Variants in FBLN1 observed in about 807,000 individuals in gnomAD.
The protein encoded by FBLN1 is fibulin 1, also known as fibulin-1.
A neutral mutation model predicts 89.7 loss-of-function variants in FBLN1; 34 were observed. The ratio of observed to expected loss-of-function variants is 0.38; its 90% CI spans 0.29 to 0.50. The LOEUF (loss-of-function observed/expected upper bound fraction) is 0.50, where lower values mean the gene tolerates loss of function less well. Ranked by LOEUF, FBLN1 falls within the 20% of genes least tolerant of loss-of-function variation. The pLI is 0.92. For synonymous variants in FBLN1, 393 were observed against 391.3 expected (o/e 1.00, Z -0.05); for missense variants, 777 against 988.1 (o/e 0.79, Z 2.86).
chr22:45,569,162 C>A (rs1306942474), intron 14 of FBLN1, among the ~76,000 whole-genome samples: 1 of 152,100 alleles, frequency 6.6e-6, no homozygotes, highest in African/African-American at 2.4e-5. Flanking sequence ...TAATGCAAAC[C>A]ATGACACCCA....
intron 16 of FBLN1, among the ~76,000 whole-genome samples, chr22:45,582,872 ACT>A (rs1317137202): frequency 2.6e-5 from 4 of 151,916 alleles, no homozygotes; most frequent in Non-Finnish European, 5.9e-5. Context: ...GATGTTTTAT[ACT>A]CTCTGGCTTG....
rs1449866131 is a variant in FBLN1, at chr22:45,530,040, C to T, written c.485-1225C>T. ...AAGTCCAGGCTGTAGGGCCCCTGGTCACAGAGGACCCGGGTCACCCGGGAC... is the reference window on the plus strand; with the variant it reads ...AAGTCCAGGCTGTAGGGCCCCTGGTTACAGAGGACCCGGGTCACCCGGGAC... On this transcript the variant is annotated intron_variant, in intron 4 of 16. Transcript: ENST00000327858. This position sits in a 1 kb window ranked among gnomAD's most constrained non-coding sequence, Gnocchi z 5.4. Among the ~76,000 whole-genome samples, 3 of 151,710 alleles carry T rather than the reference C, an allele frequency of 2.0e-5. No homozygotes were observed. Among genetic ancestry groups the T allele is most frequent in the Admixed American group, 1.3e-4 (2 of 15,228 alleles).
chr22:45,533,717 G>C (rs746176353), intron 6 of FBLN1, 44 bp from the exon 7 acceptor site: 2 of 1,596,846 alleles, frequency 1.3e-6, no homozygotes. Flanking sequence ...ATTAGGATGG[G>C]TCGTTCTTGC....
At chr22:45,585,363 C>G (rs1025779329) in intron 16 of FBLN1, among the ~76,000 whole-genome samples, 2 of 152,238 alleles carry the variant, frequency 1.3e-5, no homozygotes, top group Non-Finnish European at 2.9e-5. Flanking sequence ...GGGCCCAGAT[C>G]ACCTCGTTAA....
intron 14 of FBLN1, among the ~76,000 whole-genome samples, chr22:45,554,196 T>C (rs1890195327): frequency 6.6e-6 from 1 of 152,230 alleles, no homozygotes; most frequent in Admixed American, 6.5e-5. Context: ...GAAAGTCTGC[T>C]GCTTGCAGCC....
rs756493478 is a variant in FBLN1 at position 45,527,867 on chromosome 22, G to T, written c.342G>T (p.Leu114=). The change falls in exon 4 of 17, where the codon CTG becomes CTT. Residue 114 remains leucine, a synonymous_variant. Coordinates refer to ENST00000327858, the MANE Select transcript of FBLN1 (RefSeq NM_006486.3). ...TGCAGAGGTGCTGCCATTGCTGTCT[G>T]CTGGGGAGGGCGGCCCAGGCCCAGG... is the stretch of plus-strand genomic sequence containing the variant. ...TFVKRCCHCC[L]LGRAAQAQGQ... is the part of the protein sequence containing the mutation. 6.2e-7 allele frequency: 1 copy of T among 1,614,108 alleles called. No individual in the cohort carries two copies. Among genetic ancestry groups the T allele is most frequent in the Admixed American group, 1.7e-5 (1 of 60,034 alleles).
intron 2 of FBLN1, among the ~76,000 whole-genome samples, chr22:45,524,687 C>G (rs927334027): frequency 6.6e-6 from 1 of 152,102 alleles, no homozygotes; most frequent in Non-Finnish European, 1.5e-5. Context: ...GAACATTGTG[C>G]GGGTGAAGCC....
rs1362793783 is a variant in FBLN1, at chr22:45,503,060, C to G, written c.75C>G (p.Ala25=). 8.0e-7 allele frequency: 1 copy of G among 1,246,588 alleles called. No homozygotes were observed. 77.2% of individuals were successfully genotyped at this position (1,246,588 alleles called of 1,614,324 possible). A position where few individuals can be genotyped will look rare whatever the true frequency, so the allele number is the denominator to read the frequency against. The part of the protein sequence containing the change: ...LLLGGLALLA[A]GVDADVLLEA... ...TCGGCGGCCTTGCGCTGCTGGCGGCCGGAGGTAGGGGCGTCCCGGGTCCGC... is the reference window on the plus strand; with the variant it reads ...TCGGCGGCCTTGCGCTGCTGGCGGCGGGAGGTAGGGGCGTCCCGGGTCCGC... Residue 25 remains alanine (A), a synonymous_variant, in exon 1 of 17, where the codon GCC becomes GCG. Transcript: ENST00000327858.
At chr22:45,544,825 G>T (rs1344450757) in intron 11 of FBLN1, among the ~76,000 whole-genome samples, 4 of 152,158 alleles carry the variant, frequency 2.6e-5, no homozygotes, top group Non-Finnish European at 2.9e-5. Context: ...GGGCTGATGG[G>T]AAGGTCACAT....
In FBLN1 at chr22:45,556,940, T is replaced by G. The variant is rs1263310953; in HGVS notation, c.1697+6325T>G. Reference sequence around the variant, plus strand: ...TTCCACCCTTGGATGCCTGGACCCGTGAATCCTGGCTATGGGAGAAACAGT... The same window carrying G: ...TTCCACCCTTGGATGCCTGGACCCGGGAATCCTGGCTATGGGAGAAACAGT... On this transcript the variant is annotated intron_variant, in intron 14 of 16. Coordinates refer to ENST00000327858, the MANE Select transcript of FBLN1 (RefSeq NM_006486.3). The surrounding 1 kb of genome is among the most constrained non-coding windows in gnomAD (Gnocchi z 4.6). Among the ~76,000 whole-genome samples, 2 of 152,116 alleles carry G rather than the reference T, an allele frequency of 1.3e-5. No homozygotes were observed. The highest frequency in any genetic ancestry group is 2.4e-5 in the African/African-American group (1 of 41,426).
chr22:45,564,001 C>G (rs575078071), intron 14 of FBLN1, among the ~76,000 whole-genome samples: 1 of 152,224 alleles, frequency 6.6e-6, no homozygotes, highest in South Asian at 2.1e-4. Context: ...CCACACAATA[C>G]ATGTGATACT....
At chr22:45,598,166 A>G (rs913777323) in intron 16 of FBLN1, among the ~76,000 whole-genome samples, 1 of 152,228 alleles carries the variant, frequency 6.6e-6, no homozygotes, top group Non-Finnish European at 1.5e-5. Context: ...TGCAGGCTCC[A>G]TATTCGCTCT....
intron 2 of FBLN1, chr22:45,523,246 G>A (rs1433793587): frequency 2.7e-6 from 2 of 738,600 alleles, no homozygotes; most frequent in African/African-American, 1.7e-5. Flanking sequence ...AGTGGAGCCA[G>A]CAACGGCCAG....
intron 1 of FBLN1, chr22:45,517,437 G>A (rs1322532585): frequency 9.7e-6 from 4 of 412,496 alleles, no homozygotes; most frequent in Admixed American, 2.8e-5. Flanking sequence ...CTGAGGGGCT[G>A]GGAGGGTGCC....
At position 45,576,766 on chromosome 22, in the gene FBLN1, C is replaced by T. The variant is rs2089000714; in HGVS notation, c.1841-211C>T. Among the ~76,000 whole-genome samples, 1 of 152,214 alleles carries T rather than the reference C, an allele frequency of 6.6e-6. No homozygotes were observed. Among genetic ancestry groups the T allele is most frequent in the Non-Finnish European group, 1.5e-5 (1 of 68,042 alleles). ...AAAATCTCTCCTGACTTCAGTTTCC[C>T]CTGCTATAAAACAGGGATGGGCTAT... is the stretch of plus-strand genomic sequence containing the variant. On this transcript the variant is annotated intron_variant, in intron 15 of 16. Transcript: ENST00000327858. The surrounding 1 kb of genome is among the most constrained non-coding windows in gnomAD (Gnocchi z 5.2).
chr22:45,538,324 A>G (rs1040428567), intron 8 of FBLN1, among the ~76,000 whole-genome samples: 3 of 152,258 alleles, frequency 2.0e-5, no homozygotes, highest in Admixed American at 6.5e-5. Flanking sequence ...TTCAAAAATT[A>G]TGTATGTCTT....
intron 8 of FBLN1, among the ~76,000 whole-genome samples, chr22:45,539,085 C>A (rs1358748162): frequency 1.4e-5 from 2 of 140,294 alleles, no homozygotes; most frequent in Non-Finnish European, 3.1e-5. Context: ...CCTCTTCCCC[C>A]TCCCATCCTC....
In FBLN1 at chr22:45,562,632, C is replaced by T. The variant is rs1330433125; in HGVS notation, c.1698-11879C>T. Among the ~76,000 whole-genome samples the T allele has an allele frequency of 1.3e-5, 2 of 152,304 alleles. No individual in the cohort carries two copies. The highest frequency in any genetic ancestry group is 3.9e-4 in the East Asian group (2 of 5,168). ...GAGTGCCCCTGGGGTGGGGCTCTGC[C>T]AGTGAGCAGGGGACGCACCTCACTC... On this transcript the variant is annotated intron_variant, in intron 14 of 16. Transcript: ENST00000327858. This position sits in a 1 kb window ranked among gnomAD's most constrained non-coding sequence, Gnocchi z 7.8.
rs561695570 is a variant in FBLN1, at chr22:45,577,123, A to G, written c.1972+15A>G. ...CATGACCGTGGGTGAGTGGCTGGGA[A>G]TATCAGCTCTATCCAGGCACCCCTC... On this transcript the variant is annotated intron_variant, in intron 16 of 16. Coordinates refer to ENST00000327858, the MANE Select transcript of FBLN1 (RefSeq NM_006486.3). The surrounding 1 kb of genome is among the most constrained non-coding windows in gnomAD (Gnocchi z 6.6). 2 of 1,613,696 alleles carry G rather than the reference A, an allele frequency of 1.2e-6. No individual in the cohort carries two copies. Among genetic ancestry groups the G allele is most frequent in the Admixed American group, 1.7e-5 (1 of 60,018 alleles).
Sources: allele counts gnomAD v4.1 joint callset (sites outside exome capture counted in the v4.1 genomes callset), GRCh38; gene constraint gnomAD v4.1.1; non-coding constraint Gnocchi (gnomAD v3.1); transcripts MANE v1.5; gene names NCBI Gene and HGNC (gene_info 2026-07-23, HGNC 2026-07-21).